NPAS3: variants seen among roughly 807,000 people sequenced by gnomAD.
The protein encoded by NPAS3 is neuronal PAS domain-containing protein 3.
NPAS3 carries 14 observed loss-of-function variants against 73.1 expected under a neutral mutation model. That is an observed-to-expected ratio of 0.19 (90% confidence interval 0.13 to 0.30). The LOEUF (loss-of-function observed/expected upper bound fraction) is 0.30, where lower values mean the gene tolerates loss of function less well. NPAS3 is among the 10% of genes least tolerant of loss of function. The probability of loss-of-function intolerance (pLI) is 1.00; values close to 1 mark genes in which losing one functional copy is unlikely to be tolerated. For synonymous variants in NPAS3, 620 were observed against 541.5 expected, an observed-to-expected ratio of 1.14 and a Z score of -2.01; for missense variants, 1,096 against 1,250.0, an observed-to-expected ratio of 0.88 and a Z score of 1.86.
chr14:33,727,620 G>GAAAAGA (rs967717317), intron 6 of NPAS3, among the ~76,000 whole-genome samples: 1 of 150,508 alleles, frequency 6.6e-6, no homozygotes, highest in African/African-American at 2.4e-5. Flanking sequence ...AAAAAAAAGA[G>GAAAAGA]AAAAGAAAAA....
rs931600727 is a variant in NPAS3, at chr14:32,948,396, A to G, written c.50+9030A>G. 2.0e-5 allele frequency among the ~76,000 whole-genome samples: 3 copies of G among 152,180 alleles called. No homozygotes were observed. The South Asian group carries it at 6.2e-4, about 31-fold the overall frequency. On this transcript the variant is annotated intron_variant, in intron 1 of 11. Transcript: ENST00000356141. ...AAGAACTTTACAGTTTATATTCAAAACACTCCATATTATGTAGTATGTAGC... is the reference window on the plus strand; with the variant it reads ...AAGAACTTTACAGTTTATATTCAAAGCACTCCATATTATGTAGTATGTAGC...
intron 2 of NPAS3, among the ~76,000 whole-genome samples, chr14:33,089,188 A>G (rs1390832457): frequency 6.6e-6 from 1 of 152,220 alleles, no homozygotes; most frequent in Non-Finnish European, 1.5e-5. Context: ...GCTTCAGACA[A>G]TCAAACTTCT....
In NPAS3 at chr14:32,976,870, C is replaced by T. The variant is rs1341863759; in HGVS notation, c.50+37504C>T. Reference sequence around the variant, plus strand: ...CTTCAGTCTCTCAGGTTCTGGCCCTCGCTTCAGCTGTGAATAGACTTACCT... The same window carrying T: ...CTTCAGTCTCTCAGGTTCTGGCCCTTGCTTCAGCTGTGAATAGACTTACCT... On this transcript the variant is annotated intron_variant, in intron 1 of 11. Transcript: ENST00000356141. Among the ~76,000 whole-genome samples, 6 of 152,270 alleles carry T rather than the reference C, an allele frequency of 3.9e-5. No individual in the cohort carries two copies. The South Asian group carries it at 8.3e-4, about 21-fold the overall frequency.
intron 4 of NPAS3, among the ~76,000 whole-genome samples, chr14:33,382,761 A>G: frequency 6.6e-6 from 1 of 152,138 alleles, no homozygotes; most frequent in Non-Finnish European, 1.5e-5. Context: ...AATTTAGCAA[A>G]CAGAATATCA....
At chr14:33,609,959 AT>A (rs2057699960) in intron 5 of NPAS3, among the ~76,000 whole-genome samples, 1 of 152,158 alleles carries the variant, frequency 6.6e-6, no homozygotes, top group African/African-American at 2.4e-5. Flanking sequence ...TTTTAACCAA[AT>A]GTAGTGTTAC....
At chr14:33,426,137 G>T (rs1251163029) in intron 4 of NPAS3, among the ~76,000 whole-genome samples, 4 of 152,036 alleles carry the variant, frequency 2.6e-5, no homozygotes, top group Admixed American at 2.6e-4. Context: ...CCAGTAAAGG[G>T]ACAGAATGAA....
intron 4 of NPAS3, among the ~76,000 whole-genome samples, chr14:33,456,453 A>G (rs977521661): frequency 3.9e-5 from 6 of 152,160 alleles, no homozygotes; most frequent in African/African-American, 1.4e-4. Flanking sequence ...TTAAGCAGAA[A>G]AAGACTATTA....
rs1271126986 is a variant in NPAS3 at position 33,498,931 on chromosome 14, AGAGAGTGTGTGTGTGTGTGTGTGT to A, written c.469-61188_469-61165del. On this transcript the variant is annotated intron_variant, in intron 4 of 11. Transcript: ENST00000356141. ...AAATGAATGAGAGAGAGAGACAGAG[AGAGAGTGTGTGTGTGTGTGTGTGT>A]GTGTGTGTGTGTGTGTGTGTGTGTG... Among the ~76,000 whole-genome samples the A allele has an allele frequency of 7.8e-4, 93 of 119,328 alleles. 2 individuals are homozygous for A. The East Asian group carries it at 0.019, about 24-fold the overall frequency. 78.3% of individuals were successfully genotyped at this position (119,328 alleles called of 152,430 possible).
chr14:33,393,481 C>T (rs1454793381), intron 4 of NPAS3, among the ~76,000 whole-genome samples: 1 of 152,132 alleles, frequency 6.6e-6, no homozygotes, highest in African/African-American at 2.4e-5. Flanking sequence ...CCTCCTGCTT[C>T]CAGGTTTTTC....
intron 3 of NPAS3, among the ~76,000 whole-genome samples, chr14:33,251,938 G>A (rs1450098517): frequency 6.6e-6 from 1 of 151,878 alleles, no homozygotes; most frequent in Admixed American, 6.6e-5. Context: ...GTTGAAGCAC[G>A]TTGCAATTCG....
intron 2 of NPAS3, among the ~76,000 whole-genome samples, chr14:33,183,752 A>G (rs2045887742): frequency 1.3e-5 from 2 of 152,076 alleles, no homozygotes; most frequent in Admixed American, 1.3e-4. Context: ...TCATTGCCTA[A>G]ATATGAAGGC....
intron 5 of NPAS3, among the ~76,000 whole-genome samples, chr14:33,645,797 A>G (rs973428936): frequency 6.6e-6 from 1 of 152,248 alleles, no homozygotes; most frequent in Non-Finnish European, 1.5e-5. Flanking sequence ...AATTTTGACA[A>G]TTCAAAAATG....
At chr14:33,153,499 G>T (rs2044535960) in intron 2 of NPAS3, among the ~76,000 whole-genome samples, 2 of 152,228 alleles carry the variant, frequency 1.3e-5, no homozygotes, top group South Asian at 4.1e-4. Flanking sequence ...GGGGGAAAGA[G>T]TGGGTTCTCA....
rs1311388327 is a variant in NPAS3, at chr14:33,727,836, C to T, written c.734-7378C>T. Among the ~76,000 whole-genome samples, 8 of 152,144 alleles carry T rather than the reference C, an allele frequency of 5.3e-5. No homozygotes were observed. The East Asian group carries it at 1.5e-3, about 29-fold the overall frequency. ...CTATATTTTTCTCCCAGAATAGATC[C>T]CTCAAGTGGCAACATTTATAGGGAG... On this transcript the variant is annotated intron_variant, in intron 6 of 11. Transcript: ENST00000356141.
chr14:33,047,878 T>C (rs1595321053), intron 1 of NPAS3, among the ~76,000 whole-genome samples: 1 of 152,336 alleles, frequency 6.6e-6, no homozygotes, highest in East Asian at 1.9e-4. Context: ...GTTTCTTCCA[T>C]TGTAACTCTG....
At chr14:33,413,593 C>A (rs1195532727) in intron 4 of NPAS3, among the ~76,000 whole-genome samples, 1 of 152,174 alleles carries the variant, frequency 6.6e-6, no homozygotes, top group African/African-American at 2.4e-5. Context: ...TGCATCAGCA[C>A]TGGCAGCGTG....
At chr14:33,523,043 G>A (rs1566970637) in intron 4 of NPAS3, among the ~76,000 whole-genome samples, 1 of 152,092 alleles carries the variant, frequency 6.6e-6, no homozygotes. Context: ...CATAGTCTGA[G>A]CCACACACTC....
intron 6 of NPAS3, among the ~76,000 whole-genome samples, chr14:33,726,761 G>A (rs1194694238): frequency 6.6e-6 from 1 of 152,164 alleles, no homozygotes; most frequent in African/African-American, 2.4e-5. Context: ...GTGAGCTATA[G>A]TAAAACATTT....
intron 3 of NPAS3, among the ~76,000 whole-genome samples, chr14:33,231,969 A>C (rs570040826): frequency 6.6e-6 from 1 of 152,302 alleles, no homozygotes; most frequent in East Asian, 1.9e-4. Context: ...ATGCTTATCT[A>C]TTACAATTCA....
Sources: gnomAD v4.1 joint callset for allele counts (sites outside exome capture counted in the v4.1 genomes callset) on GRCh38, gnomAD v4.1.1 for gene constraint, MANE v1.5 for transcripts, NCBI Gene and HGNC (gene_info 2026-07-23, HGNC 2026-07-21) for gene names.